SLC24A3: variants seen among roughly 807,000 people sequenced by gnomAD.
SLC24A3 encodes sodium/potassium/calcium exchanger 3.
In SLC24A3, 28 loss-of-function variants were observed where a neutral mutation model predicts 75.8. The observed-to-expected ratio is 0.37, with a 90% confidence interval of 0.27 to 0.51. The LOEUF (loss-of-function observed/expected upper bound fraction) is 0.51. Ranked by LOEUF, SLC24A3 falls within the 20% of genes least tolerant of loss-of-function variation. The probability of loss-of-function intolerance (pLI) is 0.94; values close to 1 mark genes in which losing one functional copy is unlikely to be tolerated. For missense variants in SLC24A3, 663 were observed against 847.8 expected, an observed-to-expected ratio of 0.78 and a Z score of 2.71; for synonymous variants, 372 against 334.1, an observed-to-expected ratio of 1.11 and a Z score of -1.24.
At chr20:19,557,743 C>T (rs1313948243) in intron 3 of SLC24A3, among the ~76,000 whole-genome samples, 2 of 152,162 alleles carry the variant, frequency 1.3e-5, no homozygotes, top group African/African-American at 4.8e-5. Flanking sequence ...AAATATGTCC[C>T]AATTGGGTGT....
At chr20:19,484,898 A>G (rs372836925) in intron 2 of SLC24A3, among the ~76,000 whole-genome samples, 1 of 152,132 alleles carries the variant, frequency 6.6e-6, no homozygotes, top group South Asian at 2.1e-4. Flanking sequence ...ATAGGTGTGT[A>G]TTTTTTCAGG....
chr20:19,299,204 G>A (rs1410010035), intron 2 of SLC24A3, among the ~76,000 whole-genome samples: 1 of 151,552 alleles, frequency 6.6e-6, no homozygotes, highest in Non-Finnish European at 1.5e-5. Context: ...GTGTATGTGT[G>A]TGTGTGTGTG....
intron 15 of SLC24A3, among the ~76,000 whole-genome samples, chr20:19,701,397 A>G (rs2032871058): frequency 6.6e-6 from 1 of 152,192 alleles, no homozygotes; most frequent in Non-Finnish European, 1.5e-5. Context: ...TCAAGATGAG[A>G]TAAATGCTTC....
At position 19,328,466 on chromosome 20, in the gene SLC24A3, T is replaced by C. The variant is rs115918613; in HGVS notation, c.271+47379T>C. On this transcript the variant is annotated intron_variant, in intron 2 of 16. Coordinates refer to ENST00000328041, the MANE Select transcript of SLC24A3 (RefSeq NM_020689.4). Reference sequence around the variant, plus strand: ...ATAATGGTGGCTCAGTTCAGAGCAGTAACAGGGGCAGGGTGAGGCGGTATC... The same window carrying C: ...ATAATGGTGGCTCAGTTCAGAGCAGCAACAGGGGCAGGGTGAGGCGGTATC... 2.0e-3 allele frequency among the ~76,000 whole-genome samples: 310 copies of C among 152,234 alleles called. 1 individual carries two copies. Among genetic ancestry groups the C allele is most frequent in the African/African-American group, 7.2e-3 (299 of 41,518 alleles).
intron 2 of SLC24A3, among the ~76,000 whole-genome samples, chr20:19,294,494 C>T (rs1431855485): frequency 1.3e-5 from 2 of 151,964 alleles, no homozygotes; most frequent in Non-Finnish European, 2.9e-5. Context: ...CATGTGTTCT[C>T]ATTGTTCAGC....
At chr20:19,689,805 C>T (rs2032724214) in intron 12 of SLC24A3, among the ~76,000 whole-genome samples, 2 of 152,118 alleles carry the variant, frequency 1.3e-5, no homozygotes, top group Middle Eastern at 3.4e-3. Context: ...AGGGAGGATG[C>T]GGATCACCTG....
At chr20:19,284,467 C>T (rs1010434473) in intron 2 of SLC24A3, 1 of 152,698 alleles carries the variant, frequency 6.5e-6, no homozygotes, top group Admixed American at 6.5e-5. Flanking sequence ...CCTGGACTCT[C>T]TCCCTTCCTA....
chr20:19,432,719 C>A (rs191816305), intron 2 of SLC24A3, among the ~76,000 whole-genome samples: 2 of 152,168 alleles, frequency 1.3e-5, no homozygotes, highest in African/African-American at 4.8e-5. Flanking sequence ...GAATGCTTTG[C>A]TTGCTCTTTA....
At chr20:19,544,767 G>A (rs114783481) in intron 3 of SLC24A3, among the ~76,000 whole-genome samples, 1,690 of 152,280 alleles carry the variant, frequency 0.011, 36 homozygotes, top group African/African-American at 0.039. Context: ...CAAGATGGCA[G>A]TTGGCAAAAT....
intron 2 of SLC24A3, among the ~76,000 whole-genome samples, chr20:19,323,571 C>T (rs936092847): frequency 6.6e-6 from 1 of 152,202 alleles, no homozygotes; most frequent in Non-Finnish European, 1.5e-5. Flanking sequence ...AGCTGTCCCC[C>T]CAGCACACAT....
At chr20:19,679,897 G>A (rs966887853) in intron 9 of SLC24A3, among the ~76,000 whole-genome samples, 4 of 151,984 alleles carry the variant, frequency 2.6e-5, no homozygotes, top group Admixed American at 2.6e-4. Flanking sequence ...CTTGCACTTT[G>A]TTCTTTAATG....
intron 1 of SLC24A3, among the ~76,000 whole-genome samples, chr20:19,241,195 G>C (rs1224830830): frequency 1.3e-5 from 2 of 152,244 alleles, no homozygotes; most frequent in Non-Finnish European, 2.9e-5. Context: ...GTGGCTGTTA[G>C]GGTAGGACAC....
intron 2 of SLC24A3, among the ~76,000 whole-genome samples, chr20:19,321,807 C>A (rs1344346231): frequency 6.6e-6 from 1 of 152,172 alleles, no homozygotes; most frequent in African/African-American, 2.4e-5. Flanking sequence ...TTCTCCAAAT[C>A]ATCTCCAAAA....
chr20:19,476,106 G>C (rs57440462), intron 2 of SLC24A3, among the ~76,000 whole-genome samples: 3,515 of 152,256 alleles, frequency 0.023, 153 homozygotes, highest in African/African-American at 0.079. Flanking sequence ...TCAGACCCAC[G>C]CGATCCACTC....
chr20:19,664,081 C>G (rs977885988), intron 7 of SLC24A3, among the ~76,000 whole-genome samples: 6 of 152,182 alleles, frequency 3.9e-5, no homozygotes, highest in South Asian at 4.1e-4. Context: ...CTAATAAACT[C>G]TTTCTCAATA....
At chr20:19,685,901 C>T (rs1371011213) in intron 12 of SLC24A3, among the ~76,000 whole-genome samples, 1 of 152,208 alleles carries the variant, frequency 6.6e-6, no homozygotes, top group Non-Finnish European at 1.5e-5. Flanking sequence ...TCTGACTCCT[C>T]ATTGTCCAGA....
intron 2 of SLC24A3, among the ~76,000 whole-genome samples, chr20:19,460,725 G>A (rs769675044): frequency 4.6e-5 from 7 of 152,202 alleles, no homozygotes; most frequent in South Asian, 2.1e-4. Flanking sequence ...CATGTTAGCC[G>A]TATGGAAGGA....
intron 2 of SLC24A3, among the ~76,000 whole-genome samples, chr20:19,373,390 G>A (rs1299117593): frequency 6.6e-6 from 1 of 152,162 alleles, no homozygotes; most frequent in Non-Finnish European, 1.5e-5. Flanking sequence ...TTATGGTCAG[G>A]GAGACCTGGT....
At chr20:19,502,868 C>CAAAAAA (rs368651686) in intron 2 of SLC24A3, among the ~76,000 whole-genome samples, 2 of 72,198 alleles carry the variant, frequency 2.8e-5, no homozygotes, top group Non-Finnish European at 5.5e-5. Context: ...CTGTCTCTAC[C>CAAAAAA]AAAAAAAAAA....
Sources: gnomAD v4.1 joint callset for allele counts (sites outside exome capture counted in the v4.1 genomes callset) on GRCh38, gnomAD v4.1.1 for gene constraint, MANE v1.5 for transcripts, NCBI Gene and HGNC (gene_info 2026-07-23, HGNC 2026-07-21) for gene names.